The following PTPRN2 variants were observed in gnomAD, a reference collection of about 807,000 sequenced individuals.
PTPRN2 encodes receptor-type tyrosine-protein phosphatase N2.
In PTPRN2, 74 loss-of-function variants were observed where a neutral mutation model predicts 118.8. The observed-to-expected ratio is 0.62, with a 90% CI of 0.52 to 0.76. The LOEUF (loss-of-function observed/expected upper bound fraction) is 0.76, where lower values mean the gene tolerates loss of function less well. PTPRN2 is among the 30% of genes least tolerant of loss of function. PTPRN2 has a pLI of 0.00. For missense variants in PTPRN2, 1,481 were observed against 1,394.4 expected (o/e 1.06, Z -0.99); for synonymous variants, 641 against 608.0 (o/e 1.05, Z -0.80).
chr7:158,421,312 C>T (rs1368202717), intron 2 of PTPRN2, among the ~76,000 whole-genome samples: 2 of 152,178 alleles, frequency 1.3e-5, no homozygotes, highest in African/African-American at 2.4e-5. Flanking sequence ...AGGAAATGAA[C>T]ATGTAAGGCT....
chr7:158,199,182 A>G (rs138322569), intron 4 of PTPRN2, among the ~76,000 whole-genome samples: 59 of 151,654 alleles, frequency 3.9e-4, no homozygotes, highest in Middle Eastern at 3.4e-3. Context: ...AGTCCTTAGC[A>G]TGTTCTTAGG....
chr7:157,629,345 A>G lies in PTPRN2; in HGVS notation c.2197-7836T>C, dbSNP rs1803799133. 6.6e-6 allele frequency among the ~76,000 whole-genome samples: 1 copy of G among 152,188 alleles called. No homozygotes were observed. Among genetic ancestry groups the G allele is most frequent in the South Asian group, 2.1e-4 (1 of 4,830 alleles). ...CAGAAATTAGGTTATTTTGGCATCT[A>G]TCTGTTGGCTGTAACAATGAAGAAG... is the stretch of plus-strand genomic sequence containing the variant. On this transcript the variant is annotated intron_variant, in intron 14 of 22. Transcript: ENST00000389418. The surrounding 1 kb of genome is among the most constrained non-coding windows in gnomAD (Gnocchi z 4.4).
At chr7:157,912,695 GTCATT>G (rs981846028) in intron 11 of PTPRN2, among the ~76,000 whole-genome samples, 5 of 152,176 alleles carry the variant, frequency 3.3e-5, no homozygotes, top group Non-Finnish European at 7.4e-5. Flanking sequence ...CAAGGTAGAG[GTCATT>G]TCATTTTTTT....
At chr7:158,236,252 C>T (rs879488761) in intron 3 of PTPRN2, among the ~76,000 whole-genome samples, 18 of 152,162 alleles carry the variant, frequency 1.2e-4, no homozygotes, top group Non-Finnish European at 2.4e-4. Flanking sequence ...GACATTGCTA[C>T]GTGGTGCCTG....
intron 4 of PTPRN2, among the ~76,000 whole-genome samples, chr7:158,197,586 C>T (rs542087668): frequency 1.3e-5 from 2 of 152,286 alleles, no homozygotes; most frequent in South Asian, 2.1e-4. Context: ...CCACACTGCT[C>T]ATAAAGATAT....
At chr7:157,898,932 T>C (rs896279162) in intron 11 of PTPRN2, among the ~76,000 whole-genome samples, 195 bp from the exon 12 acceptor site, 1 of 152,178 alleles carries the variant, frequency 6.6e-6, no homozygotes, top group Non-Finnish European at 1.5e-5. Flanking sequence ...CCAGTGTGCG[T>C]CCACCTCGGG....
chr7:158,510,230 G>C (rs1340354613), intron 1 of PTPRN2, among the ~76,000 whole-genome samples: 2 of 152,168 alleles, frequency 1.3e-5, no homozygotes, highest in East Asian at 3.9e-4. Context: ...TTACAACTTG[G>C]CATCCTCGGC....
intron 11 of PTPRN2, among the ~76,000 whole-genome samples, chr7:157,963,207 C>T (rs1398031100): frequency 6.6e-6 from 1 of 152,260 alleles, no homozygotes; most frequent in Non-Finnish European, 1.5e-5. Flanking sequence ...CAGTCAGAGA[C>T]AGTCCCTCCC....
chr7:157,772,140 C>T (rs578251343), intron 12 of PTPRN2, among the ~76,000 whole-genome samples: 7 of 150,362 alleles, frequency 4.7e-5, no homozygotes, highest in East Asian at 3.9e-4. Flanking sequence ...CAGACAGACA[C>T]ACACACAGAC....
At chr7:157,837,169 A>C (rs1808019054) in intron 12 of PTPRN2, among the ~76,000 whole-genome samples, 1 of 57,962 alleles carries the variant, frequency 1.7e-5, no homozygotes, top group Non-Finnish European at 3.3e-5. Context: ...GTGTCCCTCC[A>C]TCCACCCACC....
chr7:158,583,667 A>G (rs147540896), intron 1 of PTPRN2, among the ~76,000 whole-genome samples: 4 of 152,296 alleles, frequency 2.6e-5, no homozygotes, highest in East Asian at 3.9e-4. Context: ...ATCTAGCTTC[A>G]TGAGTGAACC....
intron 12 of PTPRN2, among the ~76,000 whole-genome samples, chr7:157,841,358 C>G (rs1274370638): frequency 2.0e-5 from 3 of 152,220 alleles, no homozygotes; most frequent in Non-Finnish European, 2.9e-5. Flanking sequence ...TGGTGGGAAG[C>G]TCAAATGCTC....
At chr7:158,429,640 TGA>T (rs1816009485) in intron 2 of PTPRN2, among the ~76,000 whole-genome samples, 1 of 152,244 alleles carries the variant, frequency 6.6e-6, no homozygotes, top group African/African-American at 2.4e-5. Flanking sequence ...GAGCCCTGTC[TGA>T]GAGGAAAGAA....
chr7:158,189,388 C>A (rs896432925), intron 5 of PTPRN2, among the ~76,000 whole-genome samples: 3 of 152,208 alleles, frequency 2.0e-5, no homozygotes, highest in African/African-American at 4.8e-5. Flanking sequence ...CAAAATGGAA[C>A]AACTGAGGCT....
Position 157,786,722 on chromosome 7 carries a change from T to C in PTPRN2, c.1789-103785A>G, listed in dbSNP as rs542971605. 4.0e-4 allele frequency among the ~76,000 whole-genome samples: 61 copies of C among 152,378 alleles called. 1 individual carries two copies. The highest frequency in any genetic ancestry group is 1.5e-3 in the African/African-American group (61 of 41,592). ...ATTGCAATGTGTTTGGAAACATGAATTCATGTGGCAGCGGTAACATTTAGA... is the reference window on the plus strand; with the variant it reads ...ATTGCAATGTGTTTGGAAACATGAACTCATGTGGCAGCGGTAACATTTAGA... On this transcript the variant is annotated intron_variant, in intron 12 of 22. Coordinates refer to ENST00000389418, the MANE Select transcript of PTPRN2 (RefSeq NM_002847.5).
chr7:158,315,293 C>G (rs111445412), intron 3 of PTPRN2, among the ~76,000 whole-genome samples: 74 of 2,436 alleles, frequency 0.03, 1 homozygote, highest in African/African-American at 0.036. Context: ...AACCCGGGAC[C>G]CCCTGAAGGA....
Position 157,543,249 on chromosome 7 carries a change from G to A in PTPRN2, c.2977-2464C>T, listed in dbSNP as rs73745000. 4.2e-3 allele frequency among the ~76,000 whole-genome samples: 647 copies of A among 152,350 alleles called. 5 individuals carry two copies. The highest frequency in any genetic ancestry group is 0.024 in the Middle Eastern group (7 of 294). ...GCAAAGACAGGACATTCGAGAGGCCGAGTCAGGACATTCTAAGCAAGAAAG... is the reference window on the plus strand; with the variant it reads ...GCAAAGACAGGACATTCGAGAGGCCAAGTCAGGACATTCTAAGCAAGAAAG... On this transcript the variant is annotated intron_variant, in intron 22 of 22. Transcript: ENST00000389418.
intron 11 of PTPRN2, among the ~76,000 whole-genome samples, chr7:157,901,287 C>A (rs917647479): frequency 6.6e-6 from 1 of 152,174 alleles, no homozygotes; most frequent in African/African-American, 2.4e-5. Flanking sequence ...GCTGCACCTC[C>A]AACATGGGGA....
intron 12 of PTPRN2, among the ~76,000 whole-genome samples, chr7:157,814,691 G>A (rs1806283187): frequency 6.6e-6 from 1 of 152,228 alleles, no homozygotes; most frequent in South Asian, 2.1e-4. Context: ...GAAGCGGGGA[G>A]ATCCCTCTAA....
Sources: allele counts gnomAD v4.1 joint callset (sites outside exome capture counted in the v4.1 genomes callset), GRCh38; gene constraint gnomAD v4.1.1; non-coding constraint Gnocchi (gnomAD v3.1); transcripts MANE v1.5; gene names NCBI Gene and HGNC (gene_info 2026-07-23, HGNC 2026-07-21).